The following SNED1 variants were observed in gnomAD, a reference collection of about 807,000 sequenced individuals.
SNED1 encodes sushi, nidogen and EGF-like domain-containing protein 1.
Under a neutral mutation model 166.7 loss-of-function variants are expected in SNED1, and 81 were observed. That is an observed-to-expected ratio of 0.49 (90% CI 0.41 to 0.58). The LOEUF (loss-of-function observed/expected upper bound fraction) is 0.58. SNED1 is among the 20% of genes least tolerant of loss of function. The pLI, the probability that SNED1 is intolerant of heterozygous loss-of-function variation, is 0.00. For synonymous variants in SNED1, 762 were observed against 822.0 expected (o/e 0.93, Z 1.25); for missense variants, 1,604 against 2,000.2 (o/e 0.80, Z 3.78).
At chr2:241,025,168 A>C (rs1421573339) in intron 1 of SNED1, among the ~76,000 whole-genome samples, 2 of 152,188 alleles carry the variant, frequency 1.3e-5, no homozygotes, top group Non-Finnish European at 2.9e-5. Flanking sequence ...CAGTGGCGGC[A>C]TTTGATTCTA....
chr2:241,030,183 C>T (rs1022869085), intron 1 of SNED1, 101 bp from the exon 2 acceptor site: 1 of 1,168,670 alleles, frequency 8.6e-7, no homozygotes, highest in Non-Finnish European at 1.2e-6. Flanking sequence ...GACTGGCTTC[C>T]CCTCAGAGGG....
rs1327646175 is a variant in SNED1 at position 241,052,693 on chromosome 2, G to T, written c.2083+225G>T. 6.7e-5 allele frequency among the ~76,000 whole-genome samples: 2 copies of T among 30,004 alleles called. 1 individual carries two copies. Among genetic ancestry groups the T allele is most frequent in the Non-Finnish European group, 1.2e-4 (2 of 17,004 alleles). The allele number at this position is 30,004 out of a possible 152,430, so 19.7% of individuals were successfully genotyped here. A position where few individuals can be genotyped will look rare whatever the true frequency, so the allele number is the denominator to read the frequency against. On this transcript the variant is annotated intron_variant, in intron 15 of 31. Coordinates refer to ENST00000310397, the MANE Select transcript of SNED1 (RefSeq NM_001080437.3). ...GCCAGGCAGGTGAGAGGGTCGGCGG[G>T]GGGGGGGGGGGTCAAGCAGGGTACA...
chr2:241,024,170 C>G (rs1335219478), intron 1 of SNED1, among the ~76,000 whole-genome samples: 2 of 150,038 alleles, frequency 1.3e-5, no homozygotes, highest in African/African-American at 4.9e-5. Context: ...GCAGGAGCCA[C>G]CATGCCCAAC....
At chr2:241,006,482 G>T (rs764422221) in intron 1 of SNED1, among the ~76,000 whole-genome samples, 2 of 152,222 alleles carry the variant, frequency 1.3e-5, no homozygotes, top group Non-Finnish European at 2.9e-5. Context: ...TGTTGAGGCT[G>T]TTGAGCCAGT....
At chr2:241,030,205 A>T in intron 1 of SNED1, 79 bp from the exon 2 acceptor site, 2 of 1,364,492 alleles carry the variant, frequency 1.5e-6, no homozygotes, top group Non-Finnish European at 2.0e-6. Context: ...GCCTGGTGGC[A>T]GGGGCTGGGG....
intron 29 of SNED1, among the ~76,000 whole-genome samples, chr2:241,086,068 T>C (rs1428594570): frequency 6.6e-6 from 1 of 152,108 alleles, no homozygotes; most frequent in Non-Finnish European, 1.5e-5. Flanking sequence ...GGTTTCACCA[T>C]GTTGGCCAGG....
intron 1 of SNED1, among the ~76,000 whole-genome samples, chr2:241,019,795 T>G (rs757591831): frequency 1.3e-5 from 2 of 152,134 alleles, no homozygotes; most frequent in Non-Finnish European, 2.9e-5. Context: ...AATATGAGGG[T>G]GTTAGTGTCT....
rs993057763 is a variant in SNED1, at chr2:241,057,327, C to T, written c.2257+4001C>T. 2.7e-5 allele frequency among the ~76,000 whole-genome samples: 4 copies of T among 148,536 alleles called. 1 individual carries two copies. Among genetic ancestry groups the T allele is most frequent in the African/African-American group, 7.6e-5 (3 of 39,724 alleles). On this transcript the variant is annotated intron_variant, in intron 16 of 31. Coordinates refer to ENST00000310397, the MANE Select transcript of SNED1 (RefSeq NM_001080437.3). ...CTCGGAGGCGGAGGTTGCAATGAGC[C>T]GAGATTGCGCCATTGCACTCCAGCC...
intron 1 of SNED1, among the ~76,000 whole-genome samples, chr2:241,029,778 G>A (rs574796105): frequency 4.6e-5 from 7 of 152,350 alleles, no homozygotes; most frequent in African/African-American, 7.2e-5. Context: ...CAGCCTCCCC[G>A]GCCATGCTGG....
chr2:241,072,973 GC>G, intron 26 of SNED1: 1 of 454,464 alleles, frequency 2.2e-6, no homozygotes, highest in East Asian at 3.3e-5. Flanking sequence ...AACCGCATCA[GC>G]CGTGAGGATG....
chr2:241,066,579 G>A (rs1301887511), intron 21 of SNED1, among the ~76,000 whole-genome samples: 1 of 151,092 alleles, frequency 6.6e-6, no homozygotes, highest in Non-Finnish European at 1.5e-5. Flanking sequence ...GAGGCTCGAG[G>A]AAAGAGGAAA....
At chr2:241,030,096 A>AG (rs2061118430) in intron 1 of SNED1, among the ~76,000 whole-genome samples, 188 bp from the exon 2 acceptor site, 1 of 152,148 alleles carries the variant, frequency 6.6e-6, no homozygotes, top group Non-Finnish European at 1.5e-5. Context: ...GCATGACAGG[A>AG]GGGGGTGGAG....
chr2:241,088,438 G>A (rs778068550), intron 31 of SNED1, 36 bp downstream of exon 31: 19 of 1,581,208 alleles, frequency 1.2e-5, no homozygotes, highest in Non-Finnish European at 4.3e-6. Context: ...CTACCACAGA[G>A]CTGCTGGGAA....
Position 241,051,704 on chromosome 2 carries a change from G to A in SNED1, c.1736-40G>A. The A allele has an allele frequency of 1.4e-6, 2 of 1,390,064 alleles. No homozygotes were observed. Among genetic ancestry groups the A allele is most frequent in the Non-Finnish European group, 1.9e-6 (2 of 1,045,168 alleles). 86.1% of individuals were successfully genotyped at this position (1,390,064 alleles called of 1,614,324 possible). On this transcript the variant is annotated intron_variant, in intron 12 of 31. Transcript: ENST00000310397. This position sits in a 1 kb window ranked among gnomAD's most constrained non-coding sequence, Gnocchi z 4.7. Reference sequence around the variant, plus strand: ...GTATAGTGGCTCTGTGGGGCCAGCAGCCTGGCCCCGTTCATCTGCCTCTCT... The same window carrying A: ...GTATAGTGGCTCTGTGGGGCCAGCAACCTGGCCCCGTTCATCTGCCTCTCT...
intron 2 of SNED1, among the ~76,000 whole-genome samples, chr2:241,033,303 T>C (rs891746381): frequency 6.6e-6 from 1 of 152,196 alleles, no homozygotes; most frequent in African/African-American, 2.4e-5. Flanking sequence ...TTCCTTGCAG[T>C]AGAATTCTGT....
In SNED1 at chr2:241,069,717, A is replaced by G. The variant is rs2062615813; in HGVS notation, c.3308-203A>G. Among the ~76,000 whole-genome samples, 1 of 151,528 alleles carries G rather than the reference A, an allele frequency of 6.6e-6. No individual in the cohort carries two copies. The highest frequency in any genetic ancestry group is 1.5e-5 in the Non-Finnish European group (1 of 67,830). On this transcript the variant is annotated intron_variant, in intron 23 of 31. Transcript: ENST00000310397. The surrounding 1 kb of genome is among the most constrained non-coding windows in gnomAD (Gnocchi z 4.9). ...ATCCTAACCCGAGGGGAGGGTGGCA[A>G]CCAGGGGCCTGCAGGTCTCTCGGTT... is the stretch of plus-strand genomic sequence containing the variant.
chr2:241,046,927 G>A (rs1054142308), intron 8 of SNED1, among the ~76,000 whole-genome samples: 1 of 152,118 alleles, frequency 6.6e-6, no homozygotes, highest in Non-Finnish European at 1.5e-5. Flanking sequence ...GGCGGATCAC[G>A]AGGTCAGGAG....
In SNED1 at chr2:241,073,774, G is replaced by A; in HGVS notation, c.3916+410G>A. ...GAGAAGCAGAGGGAGCAGCCACTGGGCGAGCCCCAGCTTGAGGACTAGCTG... is the reference window on the plus strand; with the variant it reads ...GAGAAGCAGAGGGAGCAGCCACTGGACGAGCCCCAGCTTGAGGACTAGCTG... On this transcript the variant is annotated intron_variant, in intron 27 of 31. Transcript: ENST00000310397. This position sits in a 1 kb window ranked among gnomAD's most constrained non-coding sequence, Gnocchi z 6.6. The A allele has an allele frequency of 3.0e-6, 1 of 335,906 alleles. No homozygotes were observed. 20.8% of individuals were successfully genotyped at this position (335,906 alleles called of 1,614,324 possible). A position where few individuals can be genotyped will look rare whatever the true frequency, so the allele number is the denominator to read the frequency against.
At chr2:241,070,274 G>A in intron 24 of SNED1, 73 bp downstream of exon 24, 1 of 1,446,396 alleles carries the variant, frequency 6.9e-7, no homozygotes, top group Non-Finnish European at 9.2e-7. Context: ...GGACTGACCT[G>A]GCCCTGCAGG....
Sources: gnomAD v4.1 joint callset for allele counts (sites outside exome capture counted in the v4.1 genomes callset) on GRCh38, gnomAD v4.1.1 for gene constraint, Gnocchi (gnomAD v3.1) non-coding constraint, MANE v1.5 for transcripts, NCBI Gene and HGNC (gene_info 2026-07-23, HGNC 2026-07-21) for gene names.